Variants in EIF3H observed in about 807,000 individuals in gnomAD.
EIF3H encodes eukaryotic translation initiation factor 3 subunit H, also known as eIF-3-gamma.
Under a neutral mutation model 44.2 loss-of-function variants are expected in EIF3H, and 26 were observed. That is an observed-to-expected ratio of 0.59 (90% CI 0.43 to 0.82). The LOEUF (loss-of-function observed/expected upper bound fraction) is 0.82. Ranked by LOEUF, EIF3H falls within the 40% of genes least tolerant of loss-of-function variation. The pLI, the probability that EIF3H is intolerant of heterozygous loss-of-function variation, is 0.00. For missense variants in EIF3H, 359 were observed against 432.8 expected (o/e 0.83, Z 1.51); for synonymous variants, 166 against 151.9 (o/e 1.09, Z -0.68).
At chr8:116,749,070 C>A (rs1034264214) in intron 1 of EIF3H, among the ~76,000 whole-genome samples, 1 of 152,086 alleles carries the variant, frequency 6.6e-6, no homozygotes, top group Non-Finnish European at 1.5e-5. Context: ...ACCTTACTTA[C>A]AAAACCAGGG....
At chr8:116,698,112 C>A (rs1814300544) in intron 2 of EIF3H, among the ~76,000 whole-genome samples, 1 of 152,284 alleles carries the variant, frequency 6.6e-6, no homozygotes, top group Middle Eastern at 3.4e-3. Context: ...ATGTCTTGAT[C>A]ATTATACCCG....
intron 4 of EIF3H, 114 bp downstream of exon 4, chr8:116,657,101 A>G (rs912719849): frequency 5.8e-6 from 5 of 866,150 alleles, no homozygotes; most frequent in Non-Finnish European, 7.6e-6. Context: ...AAACTTCTAC[A>G]GTCCACATGG....
chr8:116,684,779 A>G (rs1416253325), intron 2 of EIF3H, among the ~76,000 whole-genome samples: 1 of 152,232 alleles, frequency 6.6e-6, no homozygotes, highest in African/African-American at 2.4e-5. Flanking sequence ...ACAGCATTTT[A>G]CAGTGTTTAT....
At chr8:116,729,191 T>C (rs1814910483) in intron 1 of EIF3H, among the ~76,000 whole-genome samples, 1 of 152,198 alleles carries the variant, frequency 6.6e-6, no homozygotes, top group South Asian at 2.1e-4. Context: ...TTAGAAGATA[T>C]ATGAGCTTAA....
At chr8:116,745,912 C>T (rs1014795448) in intron 1 of EIF3H, among the ~76,000 whole-genome samples, 1 of 151,442 alleles carries the variant, frequency 6.6e-6, no homozygotes, top group African/African-American at 2.4e-5. Flanking sequence ...CAGAGCAAGA[C>T]TCTGTCTCAA....
chr8:116,696,919 C>T (rs915980549), intron 2 of EIF3H: 1 of 320,360 alleles, frequency 3.1e-6, no homozygotes, highest in Admixed American at 4.2e-5. Flanking sequence ...TAAAAGAAAA[C>T]ACAAAACCAA....
intron 2 of EIF3H, among the ~76,000 whole-genome samples, chr8:116,667,480 A>AAAG (rs1813689791): frequency 4.8e-5 from 7 of 146,862 alleles, no homozygotes; most frequent in Admixed American, 1.4e-4. Context: ...AAAAAAAAAG[A>AAAG]TTAAGGGGCT....
At position 116,708,203 on chromosome 8, in the gene EIF3H, TATAAC is replaced by T. The variant is rs1341252229; in HGVS notation, c.289+17808_289+17812del. Among the ~76,000 whole-genome samples, 9 of 152,110 alleles carry T rather than the reference TATAAC, an allele frequency of 5.9e-5. No homozygotes were observed. The South Asian group carries it at 1.7e-3, about 28-fold the overall frequency. On this transcript the variant is annotated intron_variant, in intron 2 of 7. Transcript: ENST00000521861. ...GAAACTTCAAGCCAAATTACAACAA[TATAAC>T]AGAGTACTCAAAAATCAAAACAGCA...
intron 1 of EIF3H, among the ~76,000 whole-genome samples, chr8:116,739,785 G>A (rs888120946): frequency 2.6e-5 from 4 of 152,220 alleles, no homozygotes; most frequent in East Asian, 3.9e-4. Context: ...TTCCTCTAGC[G>A]CCGCTGGGTT....
intron 2 of EIF3H, among the ~76,000 whole-genome samples, chr8:116,695,585 G>A (rs1172082956): frequency 6.6e-6 from 1 of 152,142 alleles, no homozygotes; most frequent in Non-Finnish European, 1.5e-5. Flanking sequence ...TGGTTGTCAT[G>A]GGGATTCAGA....
chr8:116,649,561 T>C (rs1402063614), intron 5 of EIF3H, among the ~76,000 whole-genome samples: 18 of 152,194 alleles, frequency 1.2e-4, no homozygotes, highest in South Asian at 2.1e-4. Context: ...TATTCACTGA[T>C]TTCTGCCTGC....
intron 1 of EIF3H, among the ~76,000 whole-genome samples, chr8:116,731,244 T>G (rs1814945641): frequency 6.6e-6 from 1 of 151,884 alleles, no homozygotes; most frequent in African/African-American, 2.4e-5. Flanking sequence ...TGAAGAGGGG[T>G]CCTCATTCTG....
intron 1 of EIF3H, among the ~76,000 whole-genome samples, chr8:116,743,800 ACACACACACAC>A (rs1381676237): frequency 4.0e-3 from 172 of 42,738 alleles, no homozygotes; most frequent in Middle Eastern, 0.015. Context: ...ATATATATAA[ACACACACACAC>A]ACACACACAC....
At chr8:116,659,532 T>C (rs954519570) in intron 2 of EIF3H, among the ~76,000 whole-genome samples, 2 of 152,200 alleles carry the variant, frequency 1.3e-5, no homozygotes, top group Non-Finnish European at 1.5e-5. Flanking sequence ...TTTGCCTTCA[T>C]CTGGTGCCCC....
intron 1 of EIF3H, among the ~76,000 whole-genome samples, chr8:116,746,000 C>T (rs765503001): frequency 1.3e-5 from 2 of 151,968 alleles, no homozygotes; most frequent in East Asian, 1.9e-4. Flanking sequence ...CTTAGGGACA[C>T]GTACCAGTAC....
rs75780683 is a variant in EIF3H at position 116,704,147 on chromosome 8, T to C, written c.289+21869A>G. 1.6e-3 allele frequency among the ~76,000 whole-genome samples: 242 copies of C among 152,276 alleles called. 1 individual carries two copies. The highest frequency in any genetic ancestry group is 4.9e-3 in the African/African-American group (203 of 41,542). On this transcript the variant is annotated intron_variant, in intron 2 of 7. Transcript: ENST00000521861. Reference sequence around the variant, plus strand: ...TGACAATTAACAATCAACAAAAGGGTGTCCTATAAAGTGGTTAAGAACCCA... The same window carrying C: ...TGACAATTAACAATCAACAAAAGGGCGTCCTATAAAGTGGTTAAGAACCCA...
chr8:116,671,665 T>C (rs947247674), intron 2 of EIF3H, among the ~76,000 whole-genome samples: 2 of 152,150 alleles, frequency 1.3e-5, no homozygotes, highest in African/African-American at 4.8e-5. Flanking sequence ...CATAGTAGTG[T>C]AGAGGAGCAG....
At chr8:116,712,956 C>G (rs1814599128) in intron 2 of EIF3H, among the ~76,000 whole-genome samples, 1 of 151,896 alleles carries the variant, frequency 6.6e-6, no homozygotes, top group Admixed American at 6.6e-5. Context: ...CAAGTCTGAA[C>G]TTGAAAAAAA....
chr8:116,679,160 G>A (rs1813916113), intron 2 of EIF3H, among the ~76,000 whole-genome samples: 1 of 77,906 alleles, frequency 1.3e-5, no homozygotes, highest in African/African-American at 4.3e-5. Flanking sequence ...CCGTCCGGGA[G>A]GGAGGTGGTG....
Sources: allele counts gnomAD v4.1 joint callset (sites outside exome capture counted in the v4.1 genomes callset), GRCh38; gene constraint gnomAD v4.1.1; transcripts MANE v1.5; gene names NCBI Gene and HGNC (gene_info 2026-07-23, HGNC 2026-07-21).